The following MED12L variants were observed in gnomAD, a reference collection of about 807,000 sequenced individuals.
MED12L encodes mediator complex subunit 12L, also known as mediator of RNA polymerase II transcription subunit 12-like protein.
In MED12L, 60 loss-of-function variants were observed where a neutral mutation model predicts 281.3. That is an observed-to-expected ratio of 0.21 (90% CI 0.17 to 0.26). The LOEUF (loss-of-function observed/expected upper bound fraction) is 0.26. Ranked by LOEUF, MED12L falls within the 10% of genes least tolerant of loss-of-function variation. The probability of loss-of-function intolerance (pLI) is 1.00; values close to 1 mark genes in which losing one functional copy is unlikely to be tolerated. For synonymous variants in MED12L, 974 were observed against 987.2 expected (o/e 0.99, Z 0.25); for missense variants, 2,146 against 2,680.9 (o/e 0.80, Z 4.41).
intron 16 of MED12L, among the ~76,000 whole-genome samples, chr3:151,320,764 A>G (rs373980395): frequency 4.9e-4 from 74 of 152,234 alleles, no homozygotes; most frequent in Middle Eastern, 6.8e-3. Context: ...AACTTAATCT[A>G]TCTCCTTGCT....
At chr3:151,429,017 T>C (rs1019118683) in intron 43 of MED12L, among the ~76,000 whole-genome samples, 3 of 152,154 alleles carry the variant, frequency 2.0e-5, no homozygotes, top group Non-Finnish European at 2.9e-5. Context: ...CGTTGGGTAA[T>C]TGAAGAGTCT....
At chr3:151,382,177 C>G (rs138917295) in intron 32 of MED12L, among the ~76,000 whole-genome samples, 1 of 151,968 alleles carries the variant, frequency 6.6e-6, no homozygotes, top group Non-Finnish European at 1.5e-5. Flanking sequence ...TTCAAAGTAC[C>G]GTGCGTTCTC....
chr3:151,159,278 G>A (rs1348661189), intron 7 of MED12L, among the ~76,000 whole-genome samples: 2 of 152,092 alleles, frequency 1.3e-5, no homozygotes, highest in Admixed American at 6.6e-5. Flanking sequence ...AAATTCTTAC[G>A]TGATACATGT....
intron 16 of MED12L, among the ~76,000 whole-genome samples, chr3:151,282,456 C>T (rs1253651250): frequency 6.6e-6 from 1 of 151,738 alleles, no homozygotes; most frequent in African/African-American, 2.4e-5. Context: ...GAAAGGATTC[C>T]ACTGGTTGTT....
intron 11 of MED12L, among the ~76,000 whole-genome samples, chr3:151,169,125 T>TTTTTTTTTTTTTGTTTG (rs1721104444): frequency 1.4e-5 from 2 of 144,876 alleles, no homozygotes; most frequent in African/African-American, 5.1e-5. Context: ...TTTTTTTGTT[T>TTTTTTTTTTTTTGTTTG]TTTTTTTTTT....
At chr3:151,400,308 A>G (rs1715512733) in intron 39 of MED12L, among the ~76,000 whole-genome samples, 1 of 152,202 alleles carries the variant, frequency 6.6e-6, no homozygotes, top group Non-Finnish European at 1.5e-5. Flanking sequence ...CAGACAGCAT[A>G]TTTTCAAGAG....
In MED12L at chr3:151,376,146, C is replaced by T. The variant is rs758289199; in HGVS notation, c.3985C>T (p.Pro1329Ser). The T allele has an allele frequency of 1.9e-6, 3 of 1,609,932 alleles. No individual in the cohort carries two copies. The highest frequency in any genetic ancestry group is 2.5e-6 in the Non-Finnish European group (3 of 1,178,660). ...AQKLLQLICYPHGIKECTEGD... is the reference protein window; with the variant it reads ...AQKLLQLICYSHGIKECTEGD... ...GAAATTACTGCAGCTTATCTGTTAT[C>T]CTCATGGCATTAAAGAATGTACCGA... Residue 1329 changes from proline to serine, a missense_variant, in exon 28 of 45, where the codon CCT becomes TCT. Pro to Ser is a moderately conservative substitution (Grantham distance 74). Around this residue, in one of 9 missense-constraint regions of MED12L, gnomAD observed 235 missense variants for 260.3 expected, o/e 0.90. Coordinates refer to ENST00000687756, the MANE Select transcript of MED12L (RefSeq NM_001393769.1).
chr3:151,198,328 C>G (rs1465525237), intron 16 of MED12L: 2 of 943,264 alleles, frequency 2.1e-6, no homozygotes, highest in Non-Finnish European at 3.0e-6. Flanking sequence ...TTTTTTCATA[C>G]TGAGTTTTTT....
intron 16 of MED12L, among the ~76,000 whole-genome samples, chr3:151,309,133 ACACACACG>A (rs1560011282): frequency 7.6e-6 from 1 of 132,326 alleles, no homozygotes; most frequent in Non-Finnish European, 1.6e-5. Context: ...ACACACACAC[ACACACACG>A]CACACACACA....
intron 16 of MED12L, among the ~76,000 whole-genome samples, chr3:151,314,013 A>G (rs566568978): frequency 6.6e-6 from 1 of 152,302 alleles, no homozygotes; most frequent in African/African-American, 2.4e-5. Context: ...TTTTAGTATT[A>G]AGGATAGAAG....
At chr3:151,276,950 G>T in intron 16 of MED12L, among the ~76,000 whole-genome samples, 1 of 152,146 alleles carries the variant, frequency 6.6e-6, no homozygotes, top group Non-Finnish European at 1.5e-5. Flanking sequence ...AGACTGGAGT[G>T]CAGTGGCCCG....
At chr3:151,201,536 T>C (rs1181799139) in intron 16 of MED12L, among the ~76,000 whole-genome samples, 1 of 152,222 alleles carries the variant, frequency 6.6e-6, no homozygotes, top group Admixed American at 6.5e-5. Flanking sequence ...GGCACTGGTG[T>C]GTTCCTCAAG....
intron 16 of MED12L, among the ~76,000 whole-genome samples, chr3:151,285,778 A>G (rs1743415434): frequency 6.6e-6 from 1 of 152,094 alleles, no homozygotes; most frequent in Non-Finnish European, 1.5e-5. Flanking sequence ...CTAGGCCATG[A>G]GGGTAGAGCC....
At chr3:151,265,385 G>T (rs1049701817) in intron 16 of MED12L, among the ~76,000 whole-genome samples, 2 of 152,134 alleles carry the variant, frequency 1.3e-5, no homozygotes, top group African/African-American at 4.8e-5. Context: ...TTTTTAAAAA[G>T]CAGAAGTTTC....
chr3:151,194,789 C>T (rs1369654561), intron 16 of MED12L, among the ~76,000 whole-genome samples: 1 of 152,160 alleles, frequency 6.6e-6, no homozygotes, highest in Non-Finnish European at 1.5e-5. Flanking sequence ...TTCTTGGCTT[C>T]ACTAACTTTT....
At chr3:151,108,690 T>C (rs1711497828) in intron 2 of MED12L, among the ~76,000 whole-genome samples, 1 of 152,204 alleles carries the variant, frequency 6.6e-6, no homozygotes, top group African/African-American at 2.4e-5. Flanking sequence ...TGAATCGTCA[T>C]GGAACTGGTT....
intron 43 of MED12L, 74 bp from the exon 44 acceptor site, chr3:151,430,225 C>A: frequency 6.3e-7 from 1 of 1,595,656 alleles, no homozygotes; most frequent in African/African-American, 1.3e-5. Flanking sequence ...ACTGGCCCTG[C>A]GAGTTAGTCT....
At chr3:151,342,714 T>C (rs533017416) in intron 16 of MED12L, among the ~76,000 whole-genome samples, 13 of 152,338 alleles carry the variant, frequency 8.5e-5, no homozygotes, top group African/African-American at 2.2e-4. Context: ...TAGTTTGATA[T>C]TAAACTCTTG....
At chr3:151,201,049 T>TATA (rs1192605117) in intron 16 of MED12L, 1 of 152,194 alleles carries the variant, frequency 6.6e-6, no homozygotes, top group Non-Finnish European at 1.5e-5. Context: ...TGATTATTAT[T>TATA]ATATCTGCCA....
Sources: allele counts gnomAD v4.1 joint callset (sites outside exome capture counted in the v4.1 genomes callset), GRCh38; gene constraint gnomAD v4.1.1; regional missense constraint gnomAD v4.1.1; transcripts MANE v1.5; gene names NCBI Gene and HGNC (gene_info 2026-07-23, HGNC 2026-07-21).